Variants in MEI4 observed in about 807,000 individuals in gnomAD.
The protein encoded by MEI4 is meiotic double-stranded break formation protein 4.
MEI4 carries 27 observed loss-of-function variants against 31.4 expected under a neutral mutation model. The observed-to-expected ratio is 0.86, with a 90% CI of 0.63 to 1.19. The LOEUF (loss-of-function observed/expected upper bound fraction) is 1.19. Ranked by LOEUF, MEI4 falls within the 50% of genes most tolerant of loss-of-function variation. The pLI is 0.00. For missense variants in MEI4, 329 were observed against 398.9 expected (o/e 0.82, Z 1.49); for synonymous variants, 122 against 145.4 (o/e 0.84, Z 1.16).
intron 4 of MEI4, among the ~76,000 whole-genome samples, chr6:77,918,379 A>G (rs1766617315): frequency 7.3e-6 from 1 of 136,496 alleles, no homozygotes; most frequent in Non-Finnish European, 1.6e-5. Context: ...TTTTCATGAT[A>G]TTGATTCTTC....
intron 2 of MEI4, among the ~76,000 whole-genome samples, chr6:77,745,795 T>C (rs1325478475): frequency 6.6e-6 from 1 of 152,092 alleles, no homozygotes; most frequent in Non-Finnish European, 1.5e-5. Context: ...GCAATCAAAC[T>C]AGAACTCAGG....
chr6:77,791,292 CAAT>C (rs1287139281), intron 3 of MEI4, among the ~76,000 whole-genome samples: 1 of 152,026 alleles, frequency 6.6e-6, no homozygotes, highest in African/African-American at 2.4e-5. Context: ...AAATCTCCAA[CAAT>C]GATAGACTGG....
chr6:77,699,189 CTTTTTTTT>C (rs70974682), intron 2 of MEI4, among the ~76,000 whole-genome samples: 1 of 113,788 alleles, frequency 8.8e-6, no homozygotes, highest in South Asian at 2.9e-4. Context: ...TTCAAAGTTT[CTTTTTTTT>C]TTTTTTTTTT....
chr6:77,858,930 C>T (rs1230236594), intron 4 of MEI4, among the ~76,000 whole-genome samples: 1 of 149,440 alleles, frequency 6.7e-6, no homozygotes, highest in African/African-American at 2.5e-5. Flanking sequence ...AAACAGGACA[C>T]ATGTGTAAAA....
At chr6:77,825,551 C>A (rs10943495) in intron 3 of MEI4, among the ~76,000 whole-genome samples, 22,631 of 152,102 alleles carry the variant, frequency 0.15, 1,822 homozygotes, top group East Asian at 0.27. Flanking sequence ...AGGTGCCCAC[C>A]GTCCCTTCTT....
At chr6:77,908,695 C>A (rs916250091) in intron 4 of MEI4, among the ~76,000 whole-genome samples, 1 of 151,954 alleles carries the variant, frequency 6.6e-6, no homozygotes, top group African/African-American at 2.4e-5. Context: ...GCAGGGGTTG[C>A]AATCTTAGTC....
chr6:77,912,746 C>A (rs969223549), intron 4 of MEI4, among the ~76,000 whole-genome samples: 2 of 151,998 alleles, frequency 1.3e-5, no homozygotes, highest in African/African-American at 4.8e-5. Flanking sequence ...TATCATTTGC[C>A]TAAAGGAACA....
At chr6:77,917,398 G>T (rs1280731880) in intron 4 of MEI4, among the ~76,000 whole-genome samples, 1 of 150,902 alleles carries the variant, frequency 6.6e-6, no homozygotes, top group Non-Finnish European at 1.5e-5. Flanking sequence ...CAGTGTAAAA[G>T]TGTTCCTATT....
Position 77,787,415 on chromosome 6 carries a change from C to T in MEI4, c.768+25750C>T, listed in dbSNP as rs898748817. On this transcript the variant is annotated intron_variant, in intron 3 of 4. Transcript: ENST00000684080. ...TGCATTATCCTTACCTGCTTAAGCCCCTGGTGGTTGGTGGGGTGGTAGCCA... is the reference window on the plus strand; with the variant it reads ...TGCATTATCCTTACCTGCTTAAGCCTCTGGTGGTTGGTGGGGTGGTAGCCA... Among the ~76,000 whole-genome samples the T allele has an allele frequency of 6.6e-5, 10 of 152,112 alleles. No individual in the cohort carries two copies. The East Asian group carries it at 7.7e-4, about 12-fold the overall frequency.
intron 1 of MEI4, among the ~76,000 whole-genome samples, chr6:77,674,542 C>T (rs1051845338): frequency 6.6e-5 from 10 of 152,114 alleles, no homozygotes; most frequent in South Asian, 2.1e-4. Flanking sequence ...TGCACAGGTT[C>T]GTAGCCTAAG....
At chr6:77,711,199 T>C (rs1196252922) in intron 2 of MEI4, among the ~76,000 whole-genome samples, 1 of 152,174 alleles carries the variant, frequency 6.6e-6, no homozygotes, top group African/African-American at 2.4e-5. Flanking sequence ...TTAGTAATAA[T>C]GTTCCATATC....
intron 4 of MEI4, among the ~76,000 whole-genome samples, chr6:77,849,416 G>C (rs989040526): frequency 6.6e-5 from 10 of 152,136 alleles, no homozygotes; most frequent in Non-Finnish European, 1.5e-4. Context: ...TAAGGTGCCT[G>C]TGTGTGTGAG....
rs138212442 is a variant in MEI4 at position 77,780,894 on chromosome 6, A to G, written c.768+19229A>G. 4.7e-3 allele frequency among the ~76,000 whole-genome samples: 715 copies of G among 152,072 alleles called. 3 individuals carry two copies. Among genetic ancestry groups the G allele is most frequent in the African/African-American group, 0.016 (684 of 41,474 alleles). ...CAATAAGCCATATATATGAATATTAATATTTATATATAGAATTTACTCTTT... is the reference window on the plus strand; with the variant it reads ...CAATAAGCCATATATATGAATATTAGTATTTATATATAGAATTTACTCTTT... On this transcript the variant is annotated intron_variant, in intron 3 of 4. Transcript: ENST00000684080.
intron 1 of MEI4, among the ~76,000 whole-genome samples, chr6:77,656,992 C>T (rs1409641746): frequency 1.3e-5 from 2 of 152,138 alleles, no homozygotes; most frequent in Non-Finnish European, 2.9e-5. Flanking sequence ...ACAGCATAAT[C>T]GCAGACAGCA....
intron 4 of MEI4, among the ~76,000 whole-genome samples, chr6:77,900,271 C>T (rs917319708): frequency 2.0e-5 from 3 of 151,924 alleles, no homozygotes; most frequent in African/African-American, 7.3e-5. Flanking sequence ...TTATGGAAAA[C>T]AGTAGGGAGA....
At chr6:77,832,375 C>CATAT (rs566726157) in intron 4 of MEI4, among the ~76,000 whole-genome samples, 449 of 151,798 alleles carry the variant, frequency 3.0e-3, no homozygotes, top group Non-Finnish European at 5.1e-3. Flanking sequence ...ATATTGTACT[C>CATAT]TATATAAGTC....
At chr6:77,835,080 ATATAAT>A (rs1389086234) in intron 4 of MEI4, among the ~76,000 whole-genome samples, 10 of 150,746 alleles carry the variant, frequency 6.6e-5, no homozygotes, top group East Asian at 1.9e-4. Context: ...TCGAACCCTG[ATATAAT>A]TATAATTCTA....
chr6:77,856,776 A>C (rs1770756150), intron 4 of MEI4, among the ~76,000 whole-genome samples: 1 of 151,842 alleles, frequency 6.6e-6, no homozygotes, highest in Admixed American at 6.6e-5. Flanking sequence ...TTATCCACCG[A>C]CCTAAGCACT....
chr6:77,877,611 C>G (rs943790182), intron 4 of MEI4, among the ~76,000 whole-genome samples: 6 of 151,756 alleles, frequency 4.0e-5, no homozygotes, highest in African/African-American at 1.5e-4. Context: ...GAAATGTCAG[C>G]TCTGGCCCTT....
Sources: gnomAD v4.1 joint callset for allele counts (sites outside exome capture counted in the v4.1 genomes callset) on GRCh38, gnomAD v4.1.1 for gene constraint, MANE v1.5 for transcripts, NCBI Gene and HGNC (gene_info 2026-07-23, HGNC 2026-07-21) for gene names.